GPM6A: variants seen among roughly 807,000 people sequenced by gnomAD.
GPM6A encodes the protein glycoprotein M6A.
A neutral mutation model predicts 32.1 loss-of-function variants in GPM6A; 7 were observed. The ratio of observed to expected loss-of-function variants is 0.22; its 90% confidence interval spans 0.12 to 0.41. The LOEUF is 0.41. GPM6A is among the 10% of genes least tolerant of loss of function. GPM6A has a pLI of 1.00. For missense variants in GPM6A, 235 were observed against 347.2 expected (o/e 0.68, Z 2.57); for synonymous variants, 130 against 123.4 (o/e 1.05, Z -0.35).
intron 1 of GPM6A, among the ~76,000 whole-genome samples, chr4:175,826,730 G>GT (rs1354493325): frequency 1.3e-5 from 2 of 151,806 alleles, no homozygotes; most frequent in African/African-American, 2.4e-5. Flanking sequence ...AGCTTCCTGA[G>GT]TTTTTTATTA....
At chr4:175,677,492 TG>T (rs1007520353) in intron 2 of GPM6A, among the ~76,000 whole-genome samples, 2 of 151,812 alleles carry the variant, frequency 1.3e-5, no homozygotes, top group Admixed American at 6.6e-5. Context: ...TACAAATGAA[TG>T]GGGGGGAAGA....
intron 1 of GPM6A, chr4:175,787,522 T>C: frequency 1.4e-6 from 2 of 1,448,226 alleles, no homozygotes; most frequent in Non-Finnish European, 1.8e-6. Flanking sequence ...ACCTTTAGGT[T>C]GATTTCATCA....
intron 1 of GPM6A, among the ~76,000 whole-genome samples, chr4:175,826,260 A>G (rs922355919): frequency 1.3e-5 from 2 of 151,174 alleles, no homozygotes; most frequent in Admixed American, 6.6e-5. Context: ...TTAACATATT[A>G]CCTAATGCAG....
At chr4:175,912,617 T>C (rs1025509619) in intron 1 of GPM6A, among the ~76,000 whole-genome samples, 2 of 152,140 alleles carry the variant, frequency 1.3e-5, no homozygotes, top group South Asian at 4.1e-4. Context: ...ATCACACCAT[T>C]GCACTCTAGC....
intron 1 of GPM6A, among the ~76,000 whole-genome samples, chr4:175,961,656 C>A (rs1014425943): frequency 6.6e-6 from 1 of 152,152 alleles, no homozygotes; most frequent in African/African-American, 2.4e-5. Context: ...CAGGTTCTCA[C>A]AGAGAAGATC....
Position 175,713,659 on chromosome 4 carries a change from C to G in GPM6A, c.38-11892G>C, listed in dbSNP as rs1745675802. Among the ~76,000 whole-genome samples the G allele has an allele frequency of 1.3e-5, 2 of 152,110 alleles. 1 individual carries two copies. The highest frequency in any genetic ancestry group is 4.1e-4 in the South Asian group (2 of 4,836). ...ACAGAGGCATTACCAAAAACAAACT[C>G]AAATGACAGGTGTTTATCTTAAACA... On this transcript the variant is annotated intron_variant, in intron 1 of 6. Coordinates refer to ENST00000393658, the MANE Select transcript of GPM6A (RefSeq NM_201591.3).
At chr4:175,851,082 G>A (rs2111401908) in intron 1 of GPM6A, among the ~76,000 whole-genome samples, 1 of 152,158 alleles carries the variant, frequency 6.6e-6, no homozygotes, top group Non-Finnish European at 1.5e-5. Flanking sequence ...CCTCCAGCTG[G>A]GCATGGTGGC....
chr4:175,883,605 C>T (rs375225801), intron 1 of GPM6A, among the ~76,000 whole-genome samples: 3 of 152,112 alleles, frequency 2.0e-5, no homozygotes, highest in East Asian at 3.8e-4. Flanking sequence ...TACAGACTTA[C>T]TTGAAAGTTT....
intron 1 of GPM6A, among the ~76,000 whole-genome samples, chr4:175,743,980 T>C (rs1463567532): frequency 1.4e-5 from 2 of 147,608 alleles, no homozygotes; most frequent in Non-Finnish European, 1.5e-5. Context: ...AAACAAAAGG[T>C]CAAGAAGGCT....
chr4:175,980,831 T>G (rs1047336102), intron 1 of GPM6A, among the ~76,000 whole-genome samples: 5 of 152,196 alleles, frequency 3.3e-5, no homozygotes, highest in African/African-American at 1.2e-4. Flanking sequence ...GGCGTAGGGT[T>G]TGATGTTTGT....
chr4:175,799,177 C>G (rs1390102535), intron 1 of GPM6A, among the ~76,000 whole-genome samples: 1 of 152,192 alleles, frequency 6.6e-6, no homozygotes, highest in Non-Finnish European at 1.5e-5. Flanking sequence ...TCTTAGGCAG[C>G]ACTCACAATC....
chr4:175,699,652 G>C lies in GPM6A; in HGVS notation c.230+1923C>G, dbSNP rs372455312. Among the ~76,000 whole-genome samples, 12 of 152,142 alleles carry C rather than the reference G, an allele frequency of 7.9e-5. No individual in the cohort carries two copies. The East Asian group carries it at 2.1e-3, about 27-fold the overall frequency. On this transcript the variant is annotated intron_variant, in intron 2 of 6. Transcript: ENST00000393658. ...ATTCTTCTAATCCCCATGTATGTGT[G>C]GGGGGTGGAGGGGACTGGGTTTTCT...
At chr4:175,884,021 A>G (rs1250757359) in intron 1 of GPM6A, among the ~76,000 whole-genome samples, 1 of 152,202 alleles carries the variant, frequency 6.6e-6, no homozygotes, top group African/African-American at 2.4e-5. Flanking sequence ...GCCAAATCTC[A>G]TAACTGCCTG....
At chr4:175,943,874 C>T (rs776988622) in intron 1 of GPM6A, among the ~76,000 whole-genome samples, 14 of 152,002 alleles carry the variant, frequency 9.2e-5, no homozygotes, top group East Asian at 1.9e-4. Flanking sequence ...GGTTTTGGTA[C>T]GAGGATGATG....
At chr4:175,947,615 G>A (rs943769249) in intron 1 of GPM6A, 4 of 151,934 alleles carry the variant, frequency 2.6e-5, no homozygotes, top group South Asian at 2.1e-4. Context: ...GTTGTAATAC[G>A]TATTCTGCAA....
At chr4:175,678,739 T>C (rs771456056) in intron 2 of GPM6A, among the ~76,000 whole-genome samples, 11 of 152,306 alleles carry the variant, frequency 7.2e-5, no homozygotes, top group Non-Finnish European at 1.5e-4. Context: ...CAGATCAAAT[T>C]TGACATCAAG....
At chr4:175,637,158 ACATATAATATAT>A (rs1306279217) in intron 6 of GPM6A, among the ~76,000 whole-genome samples, 7 of 81,994 alleles carry the variant, frequency 8.5e-5, no homozygotes, top group Non-Finnish European at 1.3e-4. Flanking sequence ...ATTATATGTC[ACATATAATATAT>A]CATATATGTG....
intron 6 of GPM6A, among the ~76,000 whole-genome samples, chr4:175,639,695 A>C (rs889880173): frequency 5.3e-5 from 8 of 152,160 alleles, no homozygotes; most frequent in Non-Finnish European, 1.0e-4. Flanking sequence ...TATAGAAGAC[A>C]TGACTTGAAA....
intron 1 of GPM6A, among the ~76,000 whole-genome samples, chr4:175,923,630 T>C (rs1199180690): frequency 1.3e-5 from 2 of 152,056 alleles, no homozygotes; most frequent in Admixed American, 1.3e-4. Context: ...CTTGGCTCAC[T>C]GCAGCCTCTG....
Sources: gnomAD v4.1 joint callset for allele counts (sites outside exome capture counted in the v4.1 genomes callset) on GRCh38, gnomAD v4.1.1 for gene constraint, MANE v1.5 for transcripts, NCBI Gene and HGNC (gene_info 2026-07-23, HGNC 2026-07-21) for gene names.